The following TPD52 variants were observed in gnomAD, a reference collection of about 807,000 sequenced individuals.
TPD52 encodes tumor protein D52.
In TPD52, 17 loss-of-function variants were observed where a neutral mutation model predicts 31.3. That is an observed-to-expected ratio of 0.54 (90% CI 0.37 to 0.82). The LOEUF is 0.82. TPD52 is among the 40% of genes least tolerant of loss of function. The probability of loss-of-function intolerance (pLI) is 0.00; values close to 1 mark genes in which losing one functional copy is unlikely to be tolerated. For synonymous variants in TPD52, 83 were observed against 89.6 expected, an observed-to-expected ratio of 0.93 and a Z score of 0.42; for missense variants, 212 against 240.1, an observed-to-expected ratio of 0.88 and a Z score of 0.77.
At chr8:80,064,635 A>G in intron 1 of TPD52, 42 bp from the exon 2 acceptor site, 1 of 1,462,366 alleles carries the variant, frequency 6.8e-7, no homozygotes, top group Non-Finnish European at 9.6e-7. Flanking sequence ...GCAAAATCTA[A>G]GTAAAATCCC....
chr8:80,094,432 A>ATT (rs1816538873), intron 1 of TPD52, among the ~76,000 whole-genome samples: 1 of 5,112 alleles, frequency 2.0e-4, no homozygotes, highest in Non-Finnish European at 4.2e-4. Context: ...AGAAAATTTT[A>ATT]TATATATATA....
intron 1 of TPD52, among the ~76,000 whole-genome samples, chr8:80,102,289 T>C (rs1806799941): frequency 6.6e-6 from 1 of 152,198 alleles, no homozygotes; most frequent in Admixed American, 6.5e-5. Flanking sequence ...CTCATTCACG[T>C]AGCTACTGAG....
chr8:80,056,638 A>G (rs1015701546), intron 2 of TPD52, among the ~76,000 whole-genome samples: 6 of 152,236 alleles, frequency 3.9e-5, no homozygotes, highest in Non-Finnish European at 8.8e-5. Context: ...AGAAATGCAA[A>G]TCAAAACCAC....
chr8:80,133,625 T>A (rs190342629), intron 1 of TPD52, among the ~76,000 whole-genome samples: 1 of 152,184 alleles, frequency 6.6e-6, no homozygotes, highest in East Asian at 1.9e-4. Context: ...TTCCTTTGGC[T>A]CCATTTCTTC....
chr8:80,104,086 A>G (rs558611341), intron 1 of TPD52, among the ~76,000 whole-genome samples: 1 of 152,334 alleles, frequency 6.6e-6, no homozygotes, highest in Non-Finnish European at 1.5e-5. Context: ...CAAAATTGAC[A>G]AAGGGCCAGA....
At chr8:80,080,644 G>A (rs911656108) in intron 1 of TPD52, 2 of 1,325,594 alleles carry the variant, frequency 1.5e-6, no homozygotes, top group East Asian at 5.4e-5. Context: ...CTCCTGATAA[G>A]CAGACCTATT....
At chr8:80,092,217 G>T (rs903722384) in intron 1 of TPD52, among the ~76,000 whole-genome samples, 1 of 152,012 alleles carries the variant, frequency 6.6e-6, no homozygotes, top group African/African-American at 2.4e-5. Flanking sequence ...ATACATTGTT[G>T]TTAACTATGG....
chr8:80,104,875 C>T (rs1054705152), intron 1 of TPD52, among the ~76,000 whole-genome samples: 2 of 151,826 alleles, frequency 1.3e-5, no homozygotes, highest in African/African-American at 2.4e-5. Context: ...GCCTGGGCAA[C>T]GTGGCGAAAC....
Position 80,171,515 on chromosome 8 carries a change from C to A in TPD52, c.-72G>T, listed in dbSNP as rs2131301352. 2.0e-6 allele frequency: 3 copies of A among 1,498,246 alleles called. No individual in the cohort carries two copies. The highest frequency in any genetic ancestry group is 2.6e-6 in the Non-Finnish European group (3 of 1,136,488). 92.8% of individuals were successfully genotyped at this position (1,498,246 alleles called of 1,614,324 possible). A position where few individuals can be genotyped will look rare whatever the true frequency, so the allele number is the denominator to read the frequency against. On this transcript the variant is annotated 5_prime_UTR_variant, in exon 1 of 8. Coordinates refer to ENST00000518937, the MANE Select transcript of TPD52 (RefSeq NM_001025253.3). ...GCCCGTCCCGGCTCGGATCGCCCGC[C>A]GCGCCGCGCAGAGCTCCTCCTCGCC... is the stretch of plus-strand genomic sequence containing the variant.
intron 1 of TPD52, among the ~76,000 whole-genome samples, chr8:80,135,960 T>C (rs1809360191): frequency 8.8e-6 from 1 of 113,780 alleles, no homozygotes; most frequent in African/African-American, 3.3e-5. Context: ...GGAAGGGGAA[T>C]ATCACACTCT....
At chr8:80,153,356 G>C (rs1482270124) in intron 1 of TPD52, among the ~76,000 whole-genome samples, 1 of 152,158 alleles carries the variant, frequency 6.6e-6, no homozygotes, top group Admixed American at 6.5e-5. Context: ...TATTGCCTTG[G>C]AAGGAAAAAC....
intron 1 of TPD52, among the ~76,000 whole-genome samples, chr8:80,077,303 G>A (rs1814690679): frequency 6.6e-6 from 1 of 151,670 alleles, no homozygotes; most frequent in African/African-American, 2.4e-5. Context: ...TTCTTAAGAG[G>A]AAGATAGGTG....
intron 1 of TPD52, among the ~76,000 whole-genome samples, chr8:80,151,890 T>C (rs1810594075): frequency 6.6e-6 from 1 of 152,198 alleles, no homozygotes; most frequent in Non-Finnish European, 1.5e-5. Flanking sequence ...TACAAGGTCA[T>C]TTAGTAATAC....
chr8:80,036,755 C>T lies in TPD52; in HGVS notation c.*1361G>A, dbSNP rs1586117461. Reference sequence around the variant, plus strand: ...TTTGGTTTTCATAAGATAATTTATACTGAAGTAAATCTAGCCATGCTTTTA... The same window carrying T: ...TTTGGTTTTCATAAGATAATTTATATTGAAGTAAATCTAGCCATGCTTTTA... On this transcript the variant is annotated 3_prime_UTR_variant, in exon 8 of 8. Transcript: ENST00000518937. The T allele has an allele frequency of 6.6e-6, 1 of 152,620 alleles. No individual in the cohort carries two copies. The highest frequency in any genetic ancestry group is 1.5e-5 in the Non-Finnish European group (1 of 68,026). 9.5% of individuals were successfully genotyped at this position (152,620 alleles called of 1,614,324 possible).
intron 1 of TPD52, among the ~76,000 whole-genome samples, chr8:80,147,475 C>T (rs1810275464): frequency 6.6e-6 from 1 of 152,168 alleles, no homozygotes; most frequent in East Asian, 1.9e-4. Flanking sequence ...GAGTACATGA[C>T]AAACAGTCAA....
At chr8:80,113,299 T>A (rs1433544240) in intron 1 of TPD52, among the ~76,000 whole-genome samples, 1 of 149,034 alleles carries the variant, frequency 6.7e-6, no homozygotes, top group East Asian at 1.9e-4. Context: ...CTGGCAATGA[T>A]GCAGAGAAAA....
chr8:80,102,825 G>A (rs1051913769), intron 1 of TPD52, among the ~76,000 whole-genome samples: 8 of 152,138 alleles, frequency 5.3e-5, no homozygotes, highest in Admixed American at 5.2e-4. Flanking sequence ...TTGTTGGGAG[G>A]GGAGAGGGGC....
At chr8:80,114,515 T>C (rs1807725625) in intron 1 of TPD52, among the ~76,000 whole-genome samples, 1 of 152,178 alleles carries the variant, frequency 6.6e-6, no homozygotes, top group African/African-American at 2.4e-5. Flanking sequence ...CATTAATTAG[T>C]TAATTAATGT....
intron 5 of TPD52, among the ~76,000 whole-genome samples, chr8:80,047,094 G>C (rs571773128): frequency 6.6e-6 from 1 of 152,270 alleles, no homozygotes; most frequent in East Asian, 1.9e-4. Context: ...AGCAGCTATT[G>C]TTCAAAGTGC....
Sources: gnomAD v4.1 joint callset for allele counts (sites outside exome capture counted in the v4.1 genomes callset) on GRCh38, gnomAD v4.1.1 for gene constraint, MANE v1.5 for transcripts, NCBI Gene and HGNC (gene_info 2026-07-23, HGNC 2026-07-21) for gene names.